Variants in MYRFL observed in about 807,000 individuals in gnomAD.
MYRFL encodes the protein myelin regulatory factor like, also known as myelin regulatory factor-like protein.
In MYRFL, 88 loss-of-function variants were observed where a neutral mutation model predicts 109.4. The ratio of observed to expected loss-of-function variants is 0.80; its 90% confidence interval spans 0.68 to 0.96. MYRFL has a LOEUF of 0.96. MYRFL is among the 40% of genes least tolerant of loss of function. The probability of loss-of-function intolerance (pLI) is 0.00; values close to 1 mark genes in which losing one functional copy is unlikely to be tolerated. For synonymous variants in MYRFL, 324 were observed against 320.9 expected, an observed-to-expected ratio of 1.01 and a Z score of -0.10; for missense variants, 957 against 954.9, an observed-to-expected ratio of 1.00 and a Z score of -0.03.
At chr12:69,837,009 C>A (rs901310283) in intron 1 of MYRFL, among the ~76,000 whole-genome samples, 1 of 152,102 alleles carries the variant, frequency 6.6e-6, no homozygotes, top group African/African-American at 2.4e-5. Context: ...CAAACTCTTG[C>A]ATTTCCATCA....
chr12:69,828,169 A>G (rs941758405), intron 1 of MYRFL, among the ~76,000 whole-genome samples: 1 of 152,100 alleles, frequency 6.6e-6, no homozygotes, highest in Admixed American at 6.6e-5. Flanking sequence ...CTGTGCCTAA[A>G]TCACATCATT....
intron 1 of MYRFL, among the ~76,000 whole-genome samples, chr12:69,844,159 A>G (rs1450109289): frequency 6.6e-6 from 1 of 152,196 alleles, no homozygotes; most frequent in Non-Finnish European, 1.5e-5. Flanking sequence ...GATTTGGAAA[A>G]CACAGATAGG....
chr12:69,880,570 C>G (rs1472547418), intron 5 of MYRFL, among the ~76,000 whole-genome samples: 1 of 152,206 alleles, frequency 6.6e-6, no homozygotes, highest in African/African-American at 2.4e-5. Flanking sequence ...ATTCAGGCTC[C>G]AGGCCTGTGG....
intron 7 of MYRFL, among the ~76,000 whole-genome samples, chr12:69,891,623 C>CTTTT (rs373342128): frequency 3.3e-5 from 1 of 30,754 alleles, no homozygotes; most frequent in African/African-American, 1.3e-4. Context: ...TTCTTTCTTT[C>CTTTT]CTCCTTCCTT....
intron 22 of MYRFL, among the ~76,000 whole-genome samples, chr12:69,957,287 G>A (rs1017034084): frequency 9.9e-5 from 15 of 151,992 alleles, no homozygotes; most frequent in African/African-American, 2.7e-4. Flanking sequence ...GCCTAGACCC[G>A]GAATTTGCAA....
intron 13 of MYRFL, among the ~76,000 whole-genome samples, chr12:69,921,046 T>C (rs1339676589): frequency 6.6e-6 from 1 of 152,194 alleles, no homozygotes; most frequent in Non-Finnish European, 1.5e-5. Context: ...TGTAGAGTGG[T>C]GTTTCAGCTG....
At chr12:69,850,413 CTT>C (rs968066492) in intron 1 of MYRFL, among the ~76,000 whole-genome samples, 3 of 151,368 alleles carry the variant, frequency 2.0e-5, no homozygotes, top group African/African-American at 7.3e-5. Context: ...ATAAAAATAA[CTT>C]GAAGGAAAAC....
At chr12:69,853,232 C>T (rs139230118) in intron 1 of MYRFL, among the ~76,000 whole-genome samples, 2,281 of 151,246 alleles carry the variant, frequency 0.015, 61 homozygotes, top group African/African-American at 0.05. Context: ...ACCTCCCTCC[C>T]GGACGGGGCG....
chr12:69,893,178 A>G (rs1425049734), intron 7 of MYRFL, among the ~76,000 whole-genome samples: 1 of 152,252 alleles, frequency 6.6e-6, no homozygotes, highest in Non-Finnish European at 1.5e-5. Context: ...GATTTGTTAC[A>G]ATGTGAATAC....
chr12:69,923,191 A>G (rs1371220838), intron 13 of MYRFL, among the ~76,000 whole-genome samples: 1 of 152,164 alleles, frequency 6.6e-6, no homozygotes, highest in African/African-American at 2.4e-5. Context: ...TTAGCTCCTG[A>G]GTCATTTTGA....
intron 13 of MYRFL, among the ~76,000 whole-genome samples, chr12:69,920,969 CT>C (rs1954892835): frequency 6.6e-6 from 1 of 152,152 alleles, no homozygotes; most frequent in Non-Finnish European, 1.5e-5. Context: ...CAGTTGCCAC[CT>C]TTTGCTTCAC....
intron 2 of MYRFL, among the ~76,000 whole-genome samples, chr12:69,856,273 G>A (rs1227153903): frequency 2.6e-5 from 4 of 152,078 alleles, no homozygotes; most frequent in Admixed American, 6.6e-5. Flanking sequence ...ATACCTTTAA[G>A]TGATTATAAC....
intron 5 of MYRFL, among the ~76,000 whole-genome samples, chr12:69,884,904 C>A (rs1269538249): frequency 6.6e-6 from 1 of 152,160 alleles, no homozygotes; most frequent in Non-Finnish European, 1.5e-5. Context: ...AAAACTGAAG[C>A]TCAGAGAGCT....
intron 10 of MYRFL, among the ~76,000 whole-genome samples, chr12:69,898,923 C>T (rs1954091529): frequency 6.6e-6 from 1 of 152,210 alleles, no homozygotes; most frequent in Non-Finnish European, 1.5e-5. Flanking sequence ...ATTGGCACCT[C>T]CTCAAATCCA....
chr12:69,886,779 C>A (rs918653847), intron 5 of MYRFL, 41 bp from the exon 6 acceptor site: 11 of 1,532,406 alleles, frequency 7.2e-6, no homozygotes, highest in Non-Finnish European at 9.6e-6. Context: ...TTAGGAAAAA[C>A]AGCCTGGAAG....
In MYRFL at chr12:69,891,622, TCC is replaced by T. The variant is rs1566002165; in HGVS notation, c.903+457_903+458del. Among the ~76,000 whole-genome samples, 566 of 84,696 alleles carry T rather than the reference TCC, an allele frequency of 6.7e-3. 11 individuals carry two copies. Among genetic ancestry groups the T allele is most frequent in the Middle Eastern group, 0.023 (4 of 172 alleles). 55.6% of individuals were successfully genotyped at this position (84,696 alleles called of 152,430 possible). A position where few individuals can be genotyped will look rare whatever the true frequency, so the allele number is the denominator to read the frequency against. On this transcript the variant is annotated intron_variant, in intron 7 of 24. Transcript: ENST00000552032. ...CTTTCTTTCTCTTTCTTTCTTTCTT[TCC>T]TCCTTCCTTTCTTTTTCTTTCTTTC...
At chr12:69,926,788 T>G in intron 14 of MYRFL, 54 bp downstream of exon 14, 4 of 1,318,138 alleles carry the variant, frequency 3.0e-6, no homozygotes, top group Non-Finnish European at 2.9e-6. Context: ...GAGTGAGCTC[T>G]TTCCAGAATA....
intron 2 of MYRFL, among the ~76,000 whole-genome samples, chr12:69,869,932 C>G (rs995124093): frequency 3.3e-5 from 5 of 152,052 alleles, no homozygotes; most frequent in Non-Finnish European, 7.4e-5. Flanking sequence ...AGGGCAAAGT[C>G]TATTTTGTAC....
chr12:69,915,518 T>C (rs1954703490), intron 13 of MYRFL, among the ~76,000 whole-genome samples: 1 of 152,236 alleles, frequency 6.6e-6, no homozygotes, highest in Non-Finnish European at 1.5e-5. Flanking sequence ...TGGATCTTTA[T>C]AGACTGTCTA....
Sources: gnomAD v4.1 joint callset for allele counts (sites outside exome capture counted in the v4.1 genomes callset) on GRCh38, gnomAD v4.1.1 for gene constraint, MANE v1.5 for transcripts, NCBI Gene and HGNC (gene_info 2026-07-23, HGNC 2026-07-21) for gene names.